The following FBXW9 variants were observed in gnomAD, a reference collection of about 807,000 sequenced individuals.
FBXW9 encodes the protein F-box/WD repeat-containing protein 9.
FBXW9 carries 38 observed loss-of-function variants against 55.8 expected under a neutral mutation model. That is an observed-to-expected ratio of 0.68 (90% confidence interval 0.53 to 0.89). The LOEUF (loss-of-function observed/expected upper bound fraction) is 0.89. Ranked by LOEUF, FBXW9 falls within the 40% of genes least tolerant of loss-of-function variation. The pLI, the probability that FBXW9 is intolerant of heterozygous loss-of-function variation, is 0.00. For missense variants in FBXW9, 590 were observed against 619.4 expected (o/e 0.95, Z 0.50); for synonymous variants, 289 against 278.2 (o/e 1.04, Z -0.38).
At position 12,691,251 on chromosome 19, in the gene FBXW9, G is replaced by A; in HGVS notation, c.798C>T (p.Ser266=). Residue 266 remains serine, a synonymous_variant, in exon 5 of 10, where the codon AGC becomes AGT. Transcript: ENST00000393261. ...DGQQFGEIKA[S]SAVLCLSYLP... Reference sequence around the variant, plus strand: ...GGTAGGAGAGGCACAGCACGGCTGAGCTGGCCCTAGGGACACACAGACCAC... The same window carrying A: ...GGTAGGAGAGGCACAGCACGGCTGAACTGGCCCTAGGGACACACAGACCAC... 6.2e-7 allele frequency: 1 copy of A among 1,614,200 alleles called. No individual in the cohort carries two copies. Among genetic ancestry groups the A allele is most frequent in the South Asian group, 1.1e-5 (1 of 91,090 alleles).
chr19:12,696,096 T>C, intron 1 of FBXW9, 77 bp downstream of exon 1: 2 of 1,374,356 alleles, frequency 1.5e-6, no homozygotes, highest in South Asian at 1.4e-5. Context: ...GAACACCCCA[T>C]GTACCTCTTC....
chr19:12,696,069 A>T, intron 1 of FBXW9, 104 bp downstream of exon 1: 1 of 1,173,798 alleles, frequency 8.5e-7, no homozygotes, highest in Non-Finnish European at 1.2e-6. Context: ...CGAAGCCTGC[A>T]CCAGAGGCTG....
intron 5 of FBXW9, among the ~76,000 whole-genome samples, chr19:12,690,607 C>A (rs1223837239): frequency 2.6e-5 from 4 of 152,088 alleles, no homozygotes; most frequent in Non-Finnish European, 4.4e-5. Flanking sequence ...CGTGGCAAGA[C>A]CCCGTTCTCC....
chr19:12,693,563 C>T (rs944516902), intron 3 of FBXW9, among the ~76,000 whole-genome samples: 283 of 12,106 alleles, frequency 0.023, 22 homozygotes, highest in African/African-American at 0.092. Context: ...TATATATATA[C>T]ACACACACAC....
At position 12,689,184 on chromosome 19, in the gene FBXW9, G is replaced by A. The variant is rs370530594; in HGVS notation, c.*32C>T. The A allele has an allele frequency of 6.1e-5, 91 of 1,500,568 alleles. No individual in the cohort carries two copies. Among genetic ancestry groups the A allele is most frequent in the Middle Eastern group, 1.7e-4 (1 of 5,900 alleles). 93.0% of individuals were successfully genotyped at this position (1,500,568 alleles called of 1,614,324 possible). A position where few individuals can be genotyped will look rare whatever the true frequency, so the allele number is the denominator to read the frequency against. On this transcript the variant is annotated 3_prime_UTR_variant, in exon 10 of 10. Transcript: ENST00000393261. The surrounding 1 kb of genome is among the most constrained non-coding windows in gnomAD (Gnocchi z 5.9). ...GAACAGAGGAGGAAGCCCAGCCTCC[G>A]GCAGGCAGTATCCACATCCACGCCC... is the stretch of plus-strand genomic sequence containing the variant.
rs2145399576 is a variant in FBXW9, at chr19:12,689,925, C to T, written c.1032+37G>A. The T allele has an allele frequency of 6.2e-7, 1 of 1,612,814 alleles. No homozygotes were observed. Among genetic ancestry groups the T allele is most frequent in the Non-Finnish European group, 8.5e-7 (1 of 1,178,942 alleles). ...AGCTCAGGCCGGGCTGGGCCTGCAA[C>T]AGTCCCCATCCCTCCAGGCCCCTGG... On this transcript the variant is annotated intron_variant, in intron 6 of 9. Transcript: ENST00000393261. This position sits in a 1 kb window ranked among gnomAD's most constrained non-coding sequence, Gnocchi z 5.9.
Position 12,691,183 on chromosome 19 carries a change from G to A in FBXW9, c.866C>T (p.Thr289Ile). The A allele has an allele frequency of 6.2e-7, 1 of 1,614,172 alleles. No individual in the cohort carries two copies. The highest frequency in any genetic ancestry group is 8.5e-7 in the Non-Finnish European group (1 of 1,180,028). ...TGGCCCACCTCTGGGGTCGTAGATG[G>A]TCACCTTCTTGTCATAGGTGCCAGT... is the stretch of plus-strand genomic sequence containing the variant. ...LVTGTYDKKV[T>I]IYDPRAGPAL... Residue 289 changes from threonine to isoleucine, a missense_variant, in exon 5 of 10, where the codon ACC becomes ATC. Thr to Ile is a moderately conservative substitution (Grantham distance 89). Coordinates refer to ENST00000393261, the MANE Select transcript of FBXW9 (RefSeq NM_032301.3).
chr19:12,693,387 C>T (rs1374178126), intron 3 of FBXW9, among the ~76,000 whole-genome samples: 3 of 149,382 alleles, frequency 2.0e-5, no homozygotes, highest in African/African-American at 7.4e-5. Flanking sequence ...GGCTGGGCAC[C>T]GTGGCTCATG....
rs1334982687 is a variant in FBXW9, at chr19:12,694,922, C to A, written c.426G>T (p.Trp142Cys). ...GCTCCAGCGCAATGCAGGCTGCCGG[C>A]CAGTCAAAGTTCTTCTCTGTGGGTT... ...YPVVEEKNFD[W>C]PAACIALEQH... The change falls in exon 2 of 10, where the codon TGG becomes TGT. Residue 142 changes from tryptophan (W) to cysteine (C), a missense_variant. By Grantham distance (215) the Trp-to-Cys change is radical. Transcript: ENST00000393261. 2 of 1,613,454 alleles carry A rather than the reference C, an allele frequency of 1.2e-6. No individual in the cohort carries two copies. The highest frequency in any genetic ancestry group is 1.1e-5 in the South Asian group (1 of 91,072).
chr19:12,695,289 C>G (rs1357619942), intron 1 of FBXW9, among the ~76,000 whole-genome samples: 1 of 152,212 alleles, frequency 6.6e-6, no homozygotes, highest in African/African-American at 2.4e-5. Context: ...GACCTCATGA[C>G]TAACCCTTCC....
At position 12,696,416 on chromosome 19, in the gene FBXW9, G is replaced by A. The variant is rs1568327485; in HGVS notation, c.166C>T (p.Pro56Ser). ...TCCGAAGCGCTCGGGGACGCGGCGGGTGTGGATAGCTGCGAGGGGCGCGAG... is the reference window on the plus strand; with the variant it reads ...TCCGAAGCGCTCGGGGACGCGGCGGATGTGGATAGCTGCGAGGGGCGCGAG... ...AFSRPSQLSTPAASPSASEPR... is the reference protein window; with the variant it reads ...AFSRPSQLSTSAASPSASEPR... The change falls in exon 1 of 10, where the codon CCC (proline) becomes TCC (serine). Residue 56 changes from proline (P) to serine (S), a missense_variant. Physicochemically the swap from Pro to Ser is moderately conservative, Grantham distance 74 (BLOSUM62 -1). Coordinates refer to ENST00000393261, the MANE Select transcript of FBXW9 (RefSeq NM_032301.3). 3.7e-6 allele frequency: 6 copies of A among 1,611,910 alleles called. No homozygotes were observed. The highest frequency in any genetic ancestry group is 5.1e-6 in the Non-Finnish European group (6 of 1,179,696).
intron 1 of FBXW9, 121 bp from the exon 2 acceptor site, chr19:12,695,059 T>A: frequency 8.5e-7 from 1 of 1,172,914 alleles, no homozygotes; most frequent in South Asian, 1.5e-5. Flanking sequence ...CAGAACCCCA[T>A]GGAGATCCCT....
At position 12,696,317 on chromosome 19, in the gene FBXW9, C is replaced by G. The variant is rs756394955; in HGVS notation, c.265G>C (p.Glu89Gln). ...LLSLPPELLLEICSYLDARLV... is the reference protein window; with the variant it reads ...LLSLPPELLLQICSYLDARLV... Reference sequence around the variant, plus strand: ...CGGGCGTCCAGGTAGGAGCAGATCTCGAGCAGCAGCTCCGGGGGAAGGCTC... The same window carrying G: ...CGGGCGTCCAGGTAGGAGCAGATCTGGAGCAGCAGCTCCGGGGGAAGGCTC... The change falls in exon 1 of 10, where the codon GAG (glutamate) becomes CAG (glutamine). Residue 89 changes from glutamate (E) to glutamine (Q), a missense_variant. Coordinates refer to ENST00000393261, the MANE Select transcript of FBXW9 (RefSeq NM_032301.3). The G allele has an allele frequency of 1.3e-6, 2 of 1,586,252 alleles. No homozygotes were observed.
intron 3 of FBXW9, among the ~76,000 whole-genome samples, chr19:12,693,969 C>G (rs866721828): frequency 6.6e-6 from 1 of 151,368 alleles, no homozygotes; most frequent in African/African-American, 2.4e-5. Context: ...GCGGGCAGAC[C>G]ACGAGGTCTG....
At position 12,691,370 on chromosome 19, in the gene FBXW9, CT is replaced by C. The variant is rs1427619849; in HGVS notation, c.762del (p.Ala255ArgfsTer9). 1 of 1,613,516 alleles carries C rather than the reference CT, an allele frequency of 6.2e-7. No homozygotes were observed. The highest frequency in any genetic ancestry group is 8.5e-7 in the Non-Finnish European group (1 of 1,179,750). On this transcript the variant is annotated frameshift_variant, in exon 4 of 10. Transcript: ENST00000393261. LOFTEE classifies it high-confidence loss of function. ...WDSTVKLWDM[A>X]ADGQQFGEIK... ...ATCTCGCCGAACTGCTGCCCATCCG[CT>C]GCCATGTCCCAGAGCTTCACTGTGC... is the stretch of plus-strand genomic sequence containing the variant.
intron 5 of FBXW9, 112 bp downstream of exon 5, chr19:12,691,054 G>C: frequency 1.1e-6 from 1 of 945,390 alleles, no homozygotes; most frequent in Non-Finnish European, 1.7e-6. Flanking sequence ...TGGCCACTCT[G>C]AGTGGTGAGT....
At chr19:12,691,015 C>T in intron 5 of FBXW9, 151 bp downstream of exon 5, 1 of 735,036 alleles carries the variant, frequency 1.4e-6, no homozygotes, top group Non-Finnish European at 2.3e-6. Flanking sequence ...ACCCGCTGCC[C>T]AAGTTGCCTG....
chr19:12,689,783 TTGCGGTTGGCGAAGACG>T lies in FBXW9; in HGVS notation c.1107_1123del (p.His369GlnfsTer11), dbSNP rs1568324768. ...GACCCGGATAAGCTGGAAGCAGCCG[TTGCGGTTGGCGAAGACG>T]TGCAGCAGGCCCTGGTTGTCACCAG... On this transcript the variant is annotated frameshift_variant, in exon 7 of 10. Coordinates refer to ENST00000393261, the MANE Select transcript of FBXW9 (RefSeq NM_032301.3). LOFTEE classifies it high-confidence loss of function. This position sits in a 1 kb window ranked among gnomAD's most constrained non-coding sequence, Gnocchi z 5.9. 1 of 1,613,752 alleles carries T rather than the reference TTGCGGTTGGCGAAGACG, an allele frequency of 6.2e-7. No homozygotes were observed. The highest frequency in any genetic ancestry group is 1.3e-5 in the African/African-American group (1 of 74,792).
At position 12,694,945 on chromosome 19, in the gene FBXW9, G is replaced by A; in HGVS notation, c.410-7C>T. 1.2e-6 allele frequency: 2 copies of A among 1,611,192 alleles called. No individual in the cohort carries two copies. The highest frequency in any genetic ancestry group is 1.7e-6 in the Non-Finnish European group (2 of 1,179,650). On this transcript the variant is annotated splice_region_variant and splice_polypyrimidine_tract_variant and intron_variant, in intron 1 of 9. Coordinates refer to ENST00000393261, the MANE Select transcript of FBXW9 (RefSeq NM_032301.3). Reference sequence around the variant, plus strand: ...GGCCAGTCAAAGTTCTTCTCTGTGGGTTACCACGAGTAGGGTGCCCAGTGG... The same window carrying A: ...GGCCAGTCAAAGTTCTTCTCTGTGGATTACCACGAGTAGGGTGCCCAGTGG...
Sources: gnomAD v4.1 joint callset for allele counts (sites outside exome capture counted in the v4.1 genomes callset) on GRCh38, gnomAD v4.1.1 for gene constraint, Gnocchi (gnomAD v3.1) non-coding constraint, MANE v1.5 for transcripts, NCBI Gene and HGNC (gene_info 2026-07-23, HGNC 2026-07-21) for gene names.